The following MREG variants were observed in gnomAD, a reference collection of about 807,000 sequenced individuals.
MREG encodes melanoregulin, also known as dilute suppressor protein homolog.
A neutral mutation model predicts 28.5 loss-of-function variants in MREG; 31 were observed. That is an observed-to-expected ratio of 1.09 (90% CI 0.82 to 1.47). The LOEUF (loss-of-function observed/expected upper bound fraction) is 1.47. Among genes scored for constraint, MREG ranks in the 40% most tolerant of loss-of-function variants. MREG has a pLI of 0.00. For missense variants in MREG, 256 were observed against 257.4 expected (o/e 0.99, Z 0.04); for synonymous variants, 106 against 95.2 (o/e 1.11, Z -0.66).
chr2:215,981,153 G>C (rs1019106120), intron 2 of MREG, among the ~76,000 whole-genome samples: 4 of 151,958 alleles, frequency 2.6e-5, no homozygotes, highest in Admixed American at 1.3e-4. Context: ...TCCACTTCTA[G>C]GTATATGCCC....
At chr2:215,974,842 ACACACACACACT>A (rs1693201712) in intron 2 of MREG, among the ~76,000 whole-genome samples, 1 of 147,136 alleles carries the variant, frequency 6.8e-6, no homozygotes, top group Admixed American at 6.8e-5. Context: ...ACACACACAC[ACACACACACACT>A]CTCTCTCTCT....
intron 1 of MREG, among the ~76,000 whole-genome samples, chr2:216,005,842 TAAA>T (rs35179294): frequency 6.7e-4 from 84 of 125,918 alleles, no homozygotes; most frequent in African/African-American, 1.8e-3. Flanking sequence ...AAGATTTTTG[TAAA>T]AAAAAAAAAA....
chr2:215,991,084 G>A (rs1693708889), intron 2 of MREG, among the ~76,000 whole-genome samples: 1 of 152,148 alleles, frequency 6.6e-6, no homozygotes, highest in Admixed American at 6.6e-5. Flanking sequence ...CAAATCAACA[G>A]AATATACATT....
At chr2:215,946,717 T>C (rs1692331363) in intron 3 of MREG, among the ~76,000 whole-genome samples, 1 of 152,176 alleles carries the variant, frequency 6.6e-6, no homozygotes, top group African/African-American at 2.4e-5. Context: ...CTAATTAAAT[T>C]AATGTACAAT....
At chr2:215,966,961 TTAAC>T (rs1352137892) in intron 2 of MREG, among the ~76,000 whole-genome samples, 6 of 152,160 alleles carry the variant, frequency 3.9e-5, no homozygotes, top group African/African-American at 1.2e-4. Flanking sequence ...CCCATAATCT[TTAAC>T]TGAGCCTACA....
rs1219074422 is a variant in MREG at position 216,030,956 on chromosome 2, TCACACA to T, written c.-68+1827_-68+1832del. ...CTCTCTCTCTCTCTCTCTCTCTCTC[TCACACA>T]CACACACACACACACACACACACAC... On this transcript the variant is annotated intron_variant, in intron 1 of 3. Transcript: ENST00000420348. 1.0e-3 allele frequency among the ~76,000 whole-genome samples: 114 copies of T among 113,388 alleles called. 1 individual carries two copies. The highest frequency in any genetic ancestry group is 3.9e-3 in the African/African-American group (103 of 26,272). The allele number at this position is 113,388 out of a possible 152,430, so 74.4% of individuals were successfully genotyped here. A position where few individuals can be genotyped will look rare whatever the true frequency, so the allele number is the denominator to read the frequency against.
chr2:216,028,129 G>A (rs980199818), intron 1 of MREG, among the ~76,000 whole-genome samples: 1 of 152,176 alleles, frequency 6.6e-6, no homozygotes, highest in Non-Finnish European at 1.5e-5. Flanking sequence ...TAAATATAAT[G>A]TAAAACATAG....
chr2:216,000,236 G>A (rs1693981392), intron 1 of MREG, among the ~76,000 whole-genome samples: 1 of 152,020 alleles, frequency 6.6e-6, no homozygotes, highest in African/African-American at 2.4e-5. Flanking sequence ...CTTCTTCTGG[G>A]CCAGACAGCC....
chr2:215,997,253 C>T (rs1189847879), intron 1 of MREG, among the ~76,000 whole-genome samples: 1 of 152,178 alleles, frequency 6.6e-6, no homozygotes, highest in African/African-American at 2.4e-5. Context: ...TACCCAAAGA[C>T]TTTCAATAAA....
At chr2:216,000,182 T>C (rs1456934006) in intron 1 of MREG, among the ~76,000 whole-genome samples, 2 of 152,192 alleles carry the variant, frequency 1.3e-5, no homozygotes, top group African/African-American at 2.4e-5. Flanking sequence ...ATGGGTGGCA[T>C]TGGCCTACTT....
In MREG at chr2:215,949,071, ACTACTACTAC is replaced by A. The variant is rs1559173477; in HGVS notation, c.256-1968_256-1959del. Among the ~76,000 whole-genome samples, 426 of 139,466 alleles carry A rather than the reference ACTACTACTAC, an allele frequency of 3.1e-3. 3 individuals are homozygous for A. Among genetic ancestry groups the A allele is most frequent in the Non-Finnish European group, 5.0e-3 (319 of 64,416 alleles). 91.5% of individuals were successfully genotyped at this position (139,466 alleles called of 152,430 possible). A position where few individuals can be genotyped will look rare whatever the true frequency, so the allele number is the denominator to read the frequency against. On this transcript the variant is annotated intron_variant, in intron 2 of 4. Transcript: ENST00000263268. ...TACTACTACTACTACTACTACTACTACTACTACTACTACTACTAATAATAATAATAATAAT... is the reference window on the plus strand; with the variant it reads ...TACTACTACTACTACTACTACTACTATACTACTAATAATAATAATAATAAT...
intron 1 of MREG, among the ~76,000 whole-genome samples, chr2:216,009,971 C>T (rs1025110630): frequency 7.2e-5 from 11 of 152,094 alleles, no homozygotes; most frequent in Non-Finnish European, 1.2e-4. Context: ...TGAATAGTTT[C>T]CCCCCAAAAG....
rs189852898 is a variant in MREG, at chr2:215,969,674, T to C, written c.256-22561A>G. 2.1e-4 allele frequency among the ~76,000 whole-genome samples: 32 copies of C among 152,202 alleles called. No individual in the cohort carries two copies. In the East Asian group the frequency reaches 5.2e-3, roughly 25 times the overall value. ...GCCAGAGGGAGACAGTATGTCCACC[T>C]CCCAAGGCCACGCATTATATAAGCA... On this transcript the variant is annotated intron_variant, in intron 2 of 4. Transcript: ENST00000263268.
Position 216,013,364 on chromosome 2 carries a change from G to T in MREG, c.-37C>A. On this transcript the variant is annotated 5_prime_UTR_variant, in exon 1 of 5. Coordinates refer to ENST00000263268, the MANE Select transcript of MREG (RefSeq NM_018000.3). Reference sequence around the variant, plus strand: ...GCCCCCACCGGCGCCGGAAGCCTGGGGCCGAGTCGCCGCGGCGAGCGATCG... The same window carrying T: ...GCCCCCACCGGCGCCGGAAGCCTGGTGCCGAGTCGCCGCGGCGAGCGATCG... The T allele has an allele frequency of 6.9e-7, 1 of 1,447,764 alleles. No homozygotes were observed. The allele number at this position is 1,447,764 out of a possible 1,614,324, so 89.7% of individuals were successfully genotyped here.
intron 2 of MREG, among the ~76,000 whole-genome samples, chr2:215,970,881 C>G (rs1306011699): frequency 1.3e-5 from 2 of 152,048 alleles, no homozygotes; most frequent in African/African-American, 4.8e-5. Flanking sequence ...TGGAACCAGC[C>G]CAAATGCCCA....
At chr2:216,019,302 G>A (rs1363923609) in intron 1 of MREG, among the ~76,000 whole-genome samples, 1 of 152,150 alleles carries the variant, frequency 6.6e-6, no homozygotes, top group Non-Finnish European at 1.5e-5. Flanking sequence ...TGTGATGAGA[G>A]AGCGAGCTAA....
At chr2:215,967,835 T>G (rs940277313) in intron 2 of MREG, among the ~76,000 whole-genome samples, 1 of 152,148 alleles carries the variant, frequency 6.6e-6, no homozygotes, top group Non-Finnish European at 1.5e-5. Context: ...CCATGTGTCA[T>G]AGTGAGTCCT....
chr2:216,016,945 A>G (rs987288045), upstream of MREG, among the ~76,000 whole-genome samples: 6 of 152,232 alleles, frequency 3.9e-5, no homozygotes, highest in African/African-American at 1.4e-4. Context: ...TTAAGTTCTA[A>G]AACTTCTAAA....
At chr2:215,994,136 A>G (rs568056826) in intron 2 of MREG, among the ~76,000 whole-genome samples, 1 of 152,170 alleles carries the variant, frequency 6.6e-6, no homozygotes, top group South Asian at 2.1e-4. Context: ...AACACTGTTC[A>G]CAAAAGCAAA....
Sources: allele counts gnomAD v4.1 joint callset (sites outside exome capture counted in the v4.1 genomes callset), GRCh38; gene constraint gnomAD v4.1.1; transcripts MANE v1.5; gene names NCBI Gene and HGNC (gene_info 2026-07-23, HGNC 2026-07-21).